Variants in AMMECR1 observed in about 807,000 individuals in gnomAD.
AMMECR1 encodes the protein AMMECR nuclear protein 1, also known as nuclear protein AMMECR1.
AMMECR1 carries 3 observed loss-of-function variants against 22.5 expected under a neutral mutation model. That is an observed-to-expected ratio of 0.13 (90% CI 0.06 to 0.35). The LOEUF is 0.35. Among genes scored for constraint, AMMECR1 ranks in the 10% least tolerant of loss-of-function variants. The pLI is 1.00. For missense variants in AMMECR1, 235 were observed against 278.7 expected (o/e 0.84, Z 1.12); for synonymous variants, 130 against 116.7 (o/e 1.11, Z -0.74).
intron 1 of AMMECR1, among the ~76,000 whole-genome samples, chrX:110,299,106 T>C (rs894911281): frequency 6.3e-5 from 7 of 111,965 alleles, no homozygotes; most frequent in Admixed American, 4.7e-4. Context: ...TTAGTAATTA[T>C]CCTATCATTT....
chrX:110,245,873 C>T (rs753593775), intron 2 of AMMECR1, among the ~76,000 whole-genome samples: 6 of 111,424 alleles, frequency 5.4e-5, no homozygotes, highest in Non-Finnish European at 1.1e-4. Context: ...GGAACTACAA[C>T]CGAAACTTCA....
chrX:110,436,183 A>G (rs1603010161), intron 1 of AMMECR1, among the ~76,000 whole-genome samples: 1 of 112,268 alleles, frequency 8.9e-6, no homozygotes, highest in East Asian at 2.8e-4. Flanking sequence ...AAGTATCTTT[A>G]GAGCTGCTGC....
intron 1 of AMMECR1, among the ~76,000 whole-genome samples, chrX:110,436,010 G>A (rs887759968): frequency 8.9e-5 from 10 of 112,415 alleles, no homozygotes; most frequent in African/African-American, 2.3e-4. Context: ...AAAGCCTGCC[G>A]GTGTGGCTCC....
At chrX:110,403,459 C>G (rs149552437) in intron 2 of AMMECR1, among the ~76,000 whole-genome samples, 4,590 of 111,594 alleles carry the variant, frequency 0.041, 130 homozygotes, top group African/African-American at 0.095. Context: ...CAGACAGACA[C>G]ACACACACGC....
intron 2 of AMMECR1, among the ~76,000 whole-genome samples, chrX:110,380,715 C>A (rs1196797851): frequency 3.6e-5 from 4 of 112,343 alleles, no homozygotes; most frequent in Non-Finnish European, 7.5e-5. Context: ...CTACAGGAAC[C>A]AAAACAGCAT....
chrX:110,269,262 G>A (rs1280502057), intron 1 of AMMECR1, among the ~76,000 whole-genome samples: 1 of 111,722 alleles, frequency 9.0e-6, no homozygotes, highest in Non-Finnish European at 1.9e-5. Flanking sequence ...ATGTTTGCAG[G>A]AGCAGAATAC....
At chrX:110,253,113 G>A (rs2067694335) in intron 2 of AMMECR1, among the ~76,000 whole-genome samples, 1 of 112,514 alleles carries the variant, frequency 8.9e-6, no homozygotes, top group African/African-American at 3.2e-5. Flanking sequence ...AACCAGCCTA[G>A]CTAAGGCCAA....
At chrX:110,313,601 C>T (rs1173721352) in intron 1 of AMMECR1, among the ~76,000 whole-genome samples, 1 of 111,898 alleles carries the variant, frequency 8.9e-6, no homozygotes, top group African/African-American at 3.3e-5. Flanking sequence ...ACAAAGGGGG[C>T]TTTACTTATT....
intron 2 of AMMECR1, among the ~76,000 whole-genome samples, chrX:110,342,881 A>G (rs2068170718): frequency 9.0e-6 from 1 of 111,647 alleles, no homozygotes; most frequent in Admixed American, 9.5e-5. Flanking sequence ...GTCCAGGACC[A>G]GAAGGATTCA....
chrX:110,242,249 C>T lies in AMMECR1; in HGVS notation c.584+22240G>A, dbSNP rs769530680. On this transcript the variant is annotated intron_variant, in intron 2 of 5. Transcript: ENST00000262844. ...CAGAGCAACAATATAAAAAAAATGGCTGTAAGATTTCTTGTTTCTATAGAA... is the reference window on the plus strand; with the variant it reads ...CAGAGCAACAATATAAAAAAAATGGTTGTAAGATTTCTTGTTTCTATAGAA... Among the ~76,000 whole-genome samples the T allele has an allele frequency of 4.5e-5, 5 of 111,661 alleles. No individual in the cohort carries two copies. The East Asian group carries it at 8.3e-4, about 19-fold the overall frequency.
chrX:110,373,482 A>C (rs1485290476), intron 2 of AMMECR1, among the ~76,000 whole-genome samples: 1 of 111,878 alleles, frequency 8.9e-6, no homozygotes, highest in Admixed American at 9.5e-5. Context: ...TCAGAGTCCA[A>C]TTCTTACGGA....
intron 2 of AMMECR1, among the ~76,000 whole-genome samples, chrX:110,402,123 A>G (rs2068569540): frequency 8.9e-6 from 1 of 112,521 alleles, no homozygotes; most frequent in Non-Finnish European, 1.9e-5. Context: ...ATCAAACTGC[A>G]TGACCTGATT....
chrX:110,243,961 T>C (rs1366184494), intron 2 of AMMECR1, among the ~76,000 whole-genome samples: 3 of 111,943 alleles, frequency 2.7e-5, no homozygotes, highest in African/African-American at 9.7e-5. Context: ...CTAGGATTAA[T>C]TAAAAATTAC....
intron 2 of AMMECR1, among the ~76,000 whole-genome samples, chrX:110,402,540 G>A (rs2068572232): frequency 8.9e-6 from 1 of 112,736 alleles, no homozygotes; most frequent in South Asian, 3.7e-4. Context: ...CTGACTGAGA[G>A]CTGTGTCCCC....
At chrX:110,435,075 G>C (rs867418770) in intron 1 of AMMECR1, among the ~76,000 whole-genome samples, 2 of 92,978 alleles carry the variant, frequency 2.2e-5, no homozygotes, top group African/African-American at 8.0e-5. Context: ...AAGGAGGGAG[G>C]GGGGAGGAAA....
chrX:110,277,323 C>T (rs1402130228), intron 1 of AMMECR1, among the ~76,000 whole-genome samples: 1 of 105,997 alleles, frequency 9.4e-6, no homozygotes, highest in Non-Finnish European at 1.9e-5. Context: ...GACAGAAAAC[C>T]AAACACCGCA....
chrX:110,325,994 C>CTGTT (rs765676111), intron 2 of AMMECR1, among the ~76,000 whole-genome samples: 47 of 109,260 alleles, frequency 4.3e-4, no homozygotes, highest in African/African-American at 1.5e-3. Context: ...GTTTTGTTTT[C>CTGTT]TGTTTGTTTG....
At chrX:110,234,046 T>A (rs1282601716) in intron 2 of AMMECR1, among the ~76,000 whole-genome samples, 2 of 112,280 alleles carry the variant, frequency 1.8e-5, no homozygotes, top group Admixed American at 9.4e-5. Flanking sequence ...TTGTCCCTGT[T>A]TGCAGATGAC....
In AMMECR1 at chrX:110,195,381, AT is replaced by A. The variant is rs1306711371; in HGVS notation, c.*3138del. The A allele has an allele frequency of 9.0e-6, 1 of 111,646 alleles. No individual in the cohort carries two copies. Among genetic ancestry groups the A allele is most frequent in the Non-Finnish European group, 1.9e-5 (1 of 53,112 alleles). The allele number at this position is 111,646 out of a possible 1,213,427, so 9.2% of individuals were successfully genotyped here. A position where few individuals can be genotyped will look rare whatever the true frequency, so the allele number is the denominator to read the frequency against. On this transcript the variant is annotated 3_prime_UTR_variant, in exon 6 of 6. Transcript: ENST00000262844. ...AAGGCCACTTGAGGGGTGGGGGACA[AT>A]TTGTTCTTTTAGAATCTGGTACCTG...
Sources: gnomAD v4.1 joint callset for allele counts (sites outside exome capture counted in the v4.1 genomes callset) on GRCh38, gnomAD v4.1.1 for gene constraint, MANE v1.5 for transcripts, NCBI Gene and HGNC (gene_info 2026-07-23, HGNC 2026-07-21) for gene names.